The following ABTB2 variants were observed in gnomAD, a reference collection of about 807,000 sequenced individuals.
The protein encoded by ABTB2 is ankyrin repeat and BTB domain containing 2, also known as ankyrin repeat and BTB/POZ domain-containing protein 2.
In ABTB2, 56 loss-of-function variants were observed where a neutral mutation model predicts 104.1. That is an observed-to-expected ratio of 0.54 (90% CI 0.43 to 0.67). The LOEUF is 0.67. Among genes scored for constraint, ABTB2 ranks in the 30% least tolerant of loss-of-function variants. ABTB2 has a pLI of 0.00. For synonymous variants in ABTB2, 606 were observed against 608.2 expected, an observed-to-expected ratio of 1.00 and a Z score of 0.05; for missense variants, 1,279 against 1,407.7, an observed-to-expected ratio of 0.91 and a Z score of 1.46.
At chr11:34,309,698 A>G (rs1854827325) in intron 1 of ABTB2, among the ~76,000 whole-genome samples, 1 of 152,206 alleles carries the variant, frequency 6.6e-6, no homozygotes, top group Non-Finnish European at 1.5e-5. Context: ...GAAAAGAAAA[A>G]CAAACTTTTG....
intron 1 of ABTB2, among the ~76,000 whole-genome samples, chr11:34,242,230 C>T (rs1037092795): frequency 6.6e-6 from 1 of 152,174 alleles, no homozygotes; most frequent in Non-Finnish European, 1.5e-5. Context: ...TGGGTCACCC[C>T]TGAGTCAGAC....
intron 1 of ABTB2, among the ~76,000 whole-genome samples, chr11:34,243,199 C>T (rs536451017): frequency 6.6e-6 from 1 of 152,240 alleles, no homozygotes; most frequent in African/African-American, 2.4e-5. Flanking sequence ...AGCAAAGAGA[C>T]GTGTGAGAAC....
At chr11:34,251,040 A>G (rs60860255) in intron 1 of ABTB2, among the ~76,000 whole-genome samples, 3,753 of 152,302 alleles carry the variant, frequency 0.025, 115 homozygotes, top group African/African-American at 0.063. Flanking sequence ...CTGATCTCTC[A>G]GGCTACACCC....
intron 1 of ABTB2, among the ~76,000 whole-genome samples, chr11:34,280,041 G>A (rs1410554941): frequency 2.0e-5 from 3 of 151,976 alleles, no homozygotes; most frequent in African/African-American, 7.2e-5. Flanking sequence ...AAAGTGCTGG[G>A]ATTACAGGCG....
chr11:34,325,549 T>C (rs1282469050), intron 1 of ABTB2, among the ~76,000 whole-genome samples: 1 of 152,216 alleles, frequency 6.6e-6, no homozygotes, highest in Non-Finnish European at 1.5e-5. Flanking sequence ...GAAAAGTGCA[T>C]GGCACATAGT....
chr11:34,316,920 C>T (rs147527633), intron 1 of ABTB2, among the ~76,000 whole-genome samples: 68 of 152,246 alleles, frequency 4.5e-4, no homozygotes, highest in South Asian at 1.2e-3. Context: ...TGGGGAAGCC[C>T]GGGAGGCACA....
chr11:34,293,838 C>T, intron 1 of ABTB2, among the ~76,000 whole-genome samples: 1 of 152,162 alleles, frequency 6.6e-6, no homozygotes, highest in East Asian at 1.9e-4. Flanking sequence ...GATTCTCCTG[C>T]CTCAGCCTCC....
chr11:34,194,490 C>T (rs1785150244), intron 3 of ABTB2, among the ~76,000 whole-genome samples: 1 of 152,084 alleles, frequency 6.6e-6, no homozygotes, highest in African/African-American at 2.4e-5. Context: ...TAGCAAACTC[C>T]AGCTACTATT....
intron 1 of ABTB2, among the ~76,000 whole-genome samples, chr11:34,217,156 A>C (rs539007748): frequency 6.6e-6 from 1 of 152,356 alleles, no homozygotes; most frequent in South Asian, 2.1e-4. Context: ...AAGGAATAGT[A>C]CCTTTGCTGC....
At chr11:34,337,461 CTG>C (rs1564935741) in intron 1 of ABTB2, among the ~76,000 whole-genome samples, 2 of 152,254 alleles carry the variant, frequency 1.3e-5, no homozygotes, top group Non-Finnish European at 2.9e-5. Context: ...AATTCTGACA[CTG>C]TACTTATAAT....
chr11:34,237,918 AT>A (rs1853866242), intron 1 of ABTB2, among the ~76,000 whole-genome samples: 2 of 151,968 alleles, frequency 1.3e-5, no homozygotes, highest in South Asian at 4.2e-4. Flanking sequence ...AAAAAACGCT[AT>A]GCCACCCACC....
At position 34,173,252 on chromosome 11, in the gene ABTB2, C is replaced by T. The variant is rs781268183; in HGVS notation, c.1300G>A (p.Ala434Thr). ...ACGGTGAGGCTGCGGCGGTGCTCTGCGTAGGTGATGGCCACGCGCATCCAC... is the reference window on the plus strand; with the variant it reads ...ACGGTGAGGCTGCGGCGGTGCTCTGTGTAGGTGATGGCCACGCGCATCCAC... ...MEWMRVAITY[A>T]EHRRSLTVDS... Residue 434 changes from alanine (A) to threonine (T), a missense_variant, in exon 4 of 17, where the codon GCA (alanine) becomes ACA (threonine). By Grantham distance (58) the Ala-to-Thr change is moderately conservative. Transcript: ENST00000435224. The T allele has an allele frequency of 1.1e-5, 18 of 1,611,736 alleles. No individual in the cohort carries two copies. Among genetic ancestry groups the T allele is most frequent in the Admixed American group, 6.7e-5 (4 of 59,768 alleles).
chr11:34,185,946 T>C (rs569622193), intron 3 of ABTB2, among the ~76,000 whole-genome samples: 2 of 152,294 alleles, frequency 1.3e-5, no homozygotes, highest in African/African-American at 4.8e-5. Context: ...CATAAACATA[T>C]ACAGTTATTA....
intron 1 of ABTB2, among the ~76,000 whole-genome samples, chr11:34,277,413 C>T (rs1049425300): frequency 6.6e-6 from 1 of 151,836 alleles, no homozygotes; most frequent in Admixed American, 6.6e-5. Flanking sequence ...ATGATAAAAT[C>T]TAGGAGTGAG....
intron 1 of ABTB2, among the ~76,000 whole-genome samples, chr11:34,241,962 G>C (rs1853923772): frequency 6.6e-6 from 1 of 152,226 alleles, no homozygotes; most frequent in African/African-American, 2.4e-5. Flanking sequence ...TCCACACATT[G>C]ATTGAGCCTC....
intron 10 of ABTB2, among the ~76,000 whole-genome samples, chr11:34,161,959 A>G (rs1358170806): frequency 6.6e-6 from 1 of 151,960 alleles, no homozygotes; most frequent in Non-Finnish European, 1.5e-5. Flanking sequence ...TTGTGATGAC[A>G]GTGACGGTGC....
chr11:34,213,956 T>C (rs1853517059), intron 1 of ABTB2, among the ~76,000 whole-genome samples: 1 of 152,158 alleles, frequency 6.6e-6, no homozygotes, highest in Non-Finnish European at 1.5e-5. Flanking sequence ...ATGTAACACA[T>C]GAAGAACTTA....
At chr11:34,352,429 C>G (rs1855410125) in intron 1 of ABTB2, among the ~76,000 whole-genome samples, 1 of 152,186 alleles carries the variant, frequency 6.6e-6, no homozygotes, top group Non-Finnish European at 1.5e-5. Flanking sequence ...AAACAACACT[C>G]ATTACCAAGA....
chr11:34,192,087 T>TTGAGACCAACC (rs1853182446), intron 3 of ABTB2, among the ~76,000 whole-genome samples: 1 of 152,172 alleles, frequency 6.6e-6, no homozygotes, highest in South Asian at 2.1e-4. Context: ...GCCCAGGATT[T>TTGAGACCAACC]TGAGACCAAC....
Sources: gnomAD v4.1 joint callset for allele counts (sites outside exome capture counted in the v4.1 genomes callset) on GRCh38, gnomAD v4.1.1 for gene constraint, MANE v1.5 for transcripts, NCBI Gene and HGNC (gene_info 2026-07-23, HGNC 2026-07-21) for gene names.